The following SS18 variants were observed in gnomAD, a reference collection of about 807,000 sequenced individuals.
SS18 encodes the protein protein SSXT.
A neutral mutation model predicts 72.5 loss-of-function variants in SS18; 28 were observed. The observed-to-expected ratio is 0.39, with a 90% CI of 0.29 to 0.53. The LOEUF (loss-of-function observed/expected upper bound fraction) is 0.53. SS18 is among the 20% of genes least tolerant of loss of function. The pLI is 0.76. For missense variants in SS18, 518 were observed against 535.3 expected (o/e 0.97, Z 0.32); for synonymous variants, 172 against 164.2 (o/e 1.05, Z -0.37).
At chr18:26,033,765 G>T (rs1351737070) in intron 9 of SS18, among the ~76,000 whole-genome samples, 1 of 151,848 alleles carries the variant, frequency 6.6e-6, no homozygotes, top group East Asian at 1.9e-4. Flanking sequence ...TTTCTCTTAG[G>T]ATTCCTGATG....
At chr18:26,085,061 G>C (rs2054593286) in intron 2 of SS18, among the ~76,000 whole-genome samples, 3 of 152,266 alleles carry the variant, frequency 2.0e-5, no homozygotes, top group South Asian at 4.1e-4. Context: ...CAATATGGGG[G>C]AGAAATGAAT....
intron 10 of SS18, among the ~76,000 whole-genome samples, chr18:26,028,192 G>C (rs766379706): frequency 2.4e-4 from 37 of 152,140 alleles, no homozygotes; most frequent in Non-Finnish European, 4.0e-4. Flanking sequence ...AAATAAGTGA[G>C]AGAAGATGGT....
rs1022530984 is a variant in SS18, at chr18:26,066,393, T to C, written c.232-8651A>G. On this transcript the variant is annotated intron_variant, in intron 3 of 10. Transcript: ENST00000415083. ...TGCCTACTCCACCTTCACATCTCCA[T>C]TTGAAGTCTATCAGACATGAAATCT... 5.3e-5 allele frequency among the ~76,000 whole-genome samples: 8 copies of C among 152,124 alleles called. No homozygotes were observed. The South Asian group carries it at 8.3e-4, about 16-fold the overall frequency.
intron 5 of SS18, among the ~76,000 whole-genome samples, chr18:26,048,370 T>C (rs1598563553): frequency 6.6e-6 from 1 of 152,338 alleles, no homozygotes; most frequent in East Asian, 1.9e-4. Context: ...AATGGCTTTG[T>C]TGTATTATAA....
chr18:26,043,413 C>T (rs530635896), intron 5 of SS18, among the ~76,000 whole-genome samples: 1 of 152,258 alleles, frequency 6.6e-6, no homozygotes, highest in Non-Finnish European at 1.5e-5. Context: ...TAATACCCTC[C>T]TCAGGCCTAT....
chr18:26,088,735 T>G (rs926738475), intron 1 of SS18, among the ~76,000 whole-genome samples: 6 of 152,210 alleles, frequency 3.9e-5, no homozygotes, highest in Non-Finnish European at 7.3e-5. Context: ...GGACTCAGGA[T>G]ATGCTCCTCC....
At chr18:26,061,298 G>A (rs2054120098) in intron 3 of SS18, among the ~76,000 whole-genome samples, 1 of 152,146 alleles carries the variant, frequency 6.6e-6, no homozygotes, top group Non-Finnish European at 1.5e-5. Context: ...GGGCCACAGA[G>A]CGAGACTCCG....
chr18:26,051,664 C>CA (rs1568008163), intron 5 of SS18, among the ~76,000 whole-genome samples: 2 of 151,750 alleles, frequency 1.3e-5, no homozygotes, highest in South Asian at 2.1e-4. Context: ...CTAATAAAAA[C>CA]AAAAAAATAA....
chr18:26,077,918 A>G (rs1191128709), intron 3 of SS18, among the ~76,000 whole-genome samples, 158 bp downstream of exon 3: 5 of 152,194 alleles, frequency 3.3e-5, no homozygotes, highest in Admixed American at 1.3e-4. Flanking sequence ...ATTAAATATA[A>G]AAGCAAAACA....
At position 26,018,101 on chromosome 18, in the gene SS18, GGTTAT is replaced by G; in HGVS notation, c.*248_*252del. ...CACAGTTCCAAAATCATTACAAATT[GGTTAT>G]GTCATTGCATTTTCTGTCCAATGTT... On this transcript the variant is annotated 3_prime_UTR_variant, in exon 11 of 11. Transcript: ENST00000415083. 2.6e-6 allele frequency: 1 copy of G among 378,274 alleles called. No individual in the cohort carries two copies. The highest frequency in any genetic ancestry group is 4.8e-6 in the Non-Finnish European group (1 of 209,232). The allele number at this position is 378,274 out of a possible 1,614,324, so 23.4% of individuals were successfully genotyped here.
At chr18:26,066,323 G>A (rs538169464) in intron 3 of SS18, among the ~76,000 whole-genome samples, 2 of 152,108 alleles carry the variant, frequency 1.3e-5, no homozygotes, top group Admixed American at 6.6e-5. Context: ...TAAATCAGGA[G>A]GCAGTATCAT....
At chr18:26,043,886 A>T (rs1019007527) in intron 5 of SS18, among the ~76,000 whole-genome samples, 3 of 152,196 alleles carry the variant, frequency 2.0e-5, no homozygotes, top group African/African-American at 7.2e-5. Context: ...CTTTAGAAAA[A>T]ATCTCATAAA....
chr18:26,070,940 A>G (rs1322689628), intron 3 of SS18, among the ~76,000 whole-genome samples: 5 of 152,200 alleles, frequency 3.3e-5, no homozygotes, highest in African/African-American at 1.2e-4. Flanking sequence ...GCCAGAGCAG[A>G]TCTAAAAAAG....
At chr18:26,031,464 A>ATT (rs2053541139) in intron 10 of SS18, among the ~76,000 whole-genome samples, 1 of 152,188 alleles carries the variant, frequency 6.6e-6, no homozygotes, top group Admixed American at 6.5e-5. Flanking sequence ...AAAATAACTT[A>ATT]TTTTAGATAG....
At position 26,060,771 on chromosome 18, in the gene SS18, C is replaced by CAAAAAAAAAAAAAAAAAAAAA. The variant is rs60999827; in HGVS notation, c.232-3050_232-3030dup. Among the ~76,000 whole-genome samples the CAAAAAAAAAAAAAAAAAAAAA allele has an allele frequency of 2.8e-4, 11 of 39,608 alleles. 2 individuals carry two copies. Among genetic ancestry groups the CAAAAAAAAAAAAAAAAAAAAA allele is most frequent in the African/African-American group, 3.4e-4 (5 of 14,608 alleles). 26.0% of individuals were successfully genotyped at this position (39,608 alleles called of 152,430 possible). A position where few individuals can be genotyped will look rare whatever the true frequency, so the allele number is the denominator to read the frequency against. On this transcript the variant is annotated intron_variant, in intron 3 of 10. Transcript: ENST00000415083. ...GAAACTCTGTCTCTACTAAAAATACCAAAAAAAAAAAAAAAAAAAAAAAAA... is the reference window on the plus strand; with the variant it reads ...GAAACTCTGTCTCTACTAAAAATACCAAAAAAAAAAAAAAAAAAAAAAAAAAAAAAAAAAAAAAAAAAAAAA...
chr18:26,089,013 T>C (rs1054050073), intron 1 of SS18, among the ~76,000 whole-genome samples: 1 of 152,168 alleles, frequency 6.6e-6, no homozygotes. Context: ...CAACTTATTA[T>C]CTCCAGTATA....
chr18:26,035,325 C>T lies in SS18; in HGVS notation c.974-198G>A. 1.8e-6 allele frequency: 1 copy of T among 546,600 alleles called. No homozygotes were observed. Among genetic ancestry groups the T allele is most frequent in the Non-Finnish European group, 3.2e-6 (1 of 316,696 alleles). 33.9% of individuals were successfully genotyped at this position (546,600 alleles called of 1,614,324 possible). ...CAAACTGCAGTTAAAGCCAATTTTG[C>T]AAGGTTGAACTGCAGCATTTTCAGC... On this transcript the variant is annotated intron_variant, in intron 8 of 10. Coordinates refer to ENST00000415083, the MANE Select transcript of SS18 (RefSeq NM_001007559.3). This position sits in a 1 kb window ranked among gnomAD's most constrained non-coding sequence, Gnocchi z 4.4.
intron 1 of SS18, among the ~76,000 whole-genome samples, chr18:26,088,245 AAAGTT>A (rs1258812536): frequency 3.9e-5 from 6 of 152,300 alleles, no homozygotes; most frequent in African/African-American, 1.4e-4. Flanking sequence ...ATTAAGACTA[AAAGTT>A]AAGAGTCCGA....
intron 10 of SS18, among the ~76,000 whole-genome samples, chr18:26,022,538 G>T (rs2053370782): frequency 6.6e-6 from 1 of 152,084 alleles, no homozygotes; most frequent in Admixed American, 6.5e-5. Context: ...GTAAACAAAT[G>T]AGGCCAGCCC....
Sources: allele counts gnomAD v4.1 joint callset (sites outside exome capture counted in the v4.1 genomes callset), GRCh38; gene constraint gnomAD v4.1.1; non-coding constraint Gnocchi (gnomAD v3.1); transcripts MANE v1.5; gene names NCBI Gene and HGNC (gene_info 2026-07-23, HGNC 2026-07-21).